Variants in CFAP161 observed in about 807,000 individuals in gnomAD.
The protein encoded by CFAP161 is cilia- and flagella-associated protein 161.
Under a neutral mutation model 29.0 loss-of-function variants are expected in CFAP161, and 25 were observed. The observed-to-expected ratio is 0.86, with a 90% confidence interval of 0.63 to 1.20. The LOEUF is 1.20. Among genes scored for constraint, CFAP161 ranks in the 50% most tolerant of loss-of-function variants. The pLI, the probability that CFAP161 is intolerant of heterozygous loss-of-function variation, is 0.00. For missense variants in CFAP161, 367 were observed against 371.9 expected (o/e 0.99, Z 0.11); for synonymous variants, 116 against 137.4 (o/e 0.84, Z 1.09).
At chr15:81,140,676 A>C (rs1312958345) in intron 4 of CFAP161, among the ~76,000 whole-genome samples, 1 of 152,036 alleles carries the variant, frequency 6.6e-6, no homozygotes, top group Non-Finnish European at 1.5e-5. Flanking sequence ...TTCCTGCCTC[A>C]GCCTCCTGAG....
intron 1 of CFAP161, among the ~76,000 whole-genome samples, chr15:81,121,563 ATT>A (rs2141869205): frequency 6.6e-6 from 1 of 152,114 alleles, no homozygotes; most frequent in South Asian, 2.1e-4. Flanking sequence ...ATATATATAT[ATT>A]AATTAGAATG....
rs1161457197 is a variant in CFAP161, at chr15:81,134,450, C to T, written c.69+52C>T. 1.9e-6 allele frequency: 3 copies of T among 1,540,186 alleles called. No homozygotes were observed. In the East Asian group the frequency reaches 7.2e-5, roughly 37 times the overall value. Reference sequence around the variant, plus strand: ...CCCGCAGCTCAGGAACTCCCAGACCCTGCTCTAAGTTCAGTCTCCTACTTT... The same window carrying T: ...CCCGCAGCTCAGGAACTCCCAGACCTTGCTCTAAGTTCAGTCTCCTACTTT... On this transcript the variant is annotated intron_variant, in intron 1 of 6. Coordinates refer to ENST00000286732, the MANE Select transcript of CFAP161 (RefSeq NM_173528.4).
intron 4 of CFAP161, among the ~76,000 whole-genome samples, chr15:81,141,420 TACTC>T (rs1258744631): frequency 1.3e-5 from 2 of 152,210 alleles, no homozygotes; most frequent in East Asian, 1.9e-4. Flanking sequence ...TGAGATCACT[TACTC>T]TTATTAATTC....
chr15:81,123,965 A>G (rs139636700), intron 1 of CFAP161, among the ~76,000 whole-genome samples: 18 of 152,334 alleles, frequency 1.2e-4, no homozygotes, highest in Non-Finnish European at 2.1e-4. Flanking sequence ...TTCTAGATGT[A>G]GGATCATGTC....
At chr15:81,134,170 A>ACGCCCCATCTCC, upstream of CFAP161, 1 of 744,650 alleles carries the variant, frequency 1.3e-6, no homozygotes, top group Non-Finnish European at 2.1e-6. Flanking sequence ...GCTGACCCAG[A>ACGCCCCATCTCC]CGCCCCATCT....
intron 1 of CFAP161, among the ~76,000 whole-genome samples, chr15:81,116,302 C>A (rs1287054416): frequency 1.3e-5 from 2 of 151,878 alleles, no homozygotes; most frequent in Non-Finnish European, 2.9e-5. Flanking sequence ...TTATTAAGAA[C>A]AAATTTTTTG....
At chr15:81,133,227 A>T (rs201259705), upstream of CFAP161, among the ~76,000 whole-genome samples, 13,405 of 50,186 alleles carry the variant, frequency 0.27, 1,531 homozygotes, top group Middle Eastern at 0.36. Context: ...ATATATATGT[A>T]TTTTTTTTTA....
In CFAP161 at chr15:81,143,699, C is replaced by T. The variant is rs1055860671; in HGVS notation, c.515C>T (p.Ser172Leu). ...AGTGACCACAGGACCCTCCTGAAAT[C>T]GTCTAAGAGGTCTTGGCTCCAGGAA... ...LSSDHRTLLK[S>L]SKRSWLQEVY... The change falls in exon 5 of 7, where the codon TCG becomes TTG. Residue 172 changes from serine to leucine, a missense_variant. Physicochemically the swap from Ser to Leu is moderately radical, Grantham distance 145 (BLOSUM62 -2). Coordinates refer to ENST00000286732, the MANE Select transcript of CFAP161 (RefSeq NM_173528.4). 2 of 1,614,034 alleles carry T rather than the reference C, an allele frequency of 1.2e-6. No homozygotes were observed. The highest frequency in any genetic ancestry group is 1.7e-6 in the Non-Finnish European group (2 of 1,179,960).
chr15:81,147,165 C>A (rs988435939), intron 5 of CFAP161, among the ~76,000 whole-genome samples: 1 of 152,010 alleles, frequency 6.6e-6, no homozygotes, highest in Non-Finnish European at 1.5e-5. Context: ...TCCTCTACCG[C>A]CCTCTCACAT....
intron 1 of CFAP161, among the ~76,000 whole-genome samples, chr15:81,127,066 A>G (rs1215003792): frequency 1.3e-5 from 2 of 152,226 alleles, no homozygotes; most frequent in Admixed American, 6.5e-5. Flanking sequence ...AGAACAGGCC[A>G]TAATATGTAG....
intron 1 of CFAP161, among the ~76,000 whole-genome samples, chr15:81,116,176 C>T (rs2460850): frequency 0.47 from 71,155 of 152,062 alleles, 20,019 homozygotes; most frequent in Non-Finnish European, 0.64. Context: ...AGGTTACCAG[C>T]TATTAACTGT....
exon 2 of CFAP161, chr15:81,127,672 C>G (rs1452883803): frequency 6.6e-6 from 1 of 152,006 alleles, no homozygotes; most frequent in Non-Finnish European, 1.5e-5. Flanking sequence ...TGAGAGAAAA[C>G]TCACCAGGGC....
At chr15:81,129,433 A>T (rs542273474), upstream of CFAP161, among the ~76,000 whole-genome samples, 1 of 152,216 alleles carries the variant, frequency 6.6e-6, no homozygotes, top group Non-Finnish European at 1.5e-5. Flanking sequence ...CACATCTCAC[A>T]TGGTGGCAGA....
chr15:81,146,815 A>G (rs1895013004), intron 5 of CFAP161, among the ~76,000 whole-genome samples: 1 of 128,580 alleles, frequency 7.8e-6, no homozygotes, highest in African/African-American at 2.7e-5. Context: ...TTTTGCTCTT[A>G]AATAGGATAG....
intron 1 of CFAP161, among the ~76,000 whole-genome samples, chr15:81,122,713 A>G (rs1894590585): frequency 6.6e-6 from 1 of 151,908 alleles, no homozygotes; most frequent in Admixed American, 6.6e-5. Context: ...GCTGGTCTCA[A>G]ACTCCTGACC....
chr15:81,122,016 T>C (rs149969439), intron 1 of CFAP161, among the ~76,000 whole-genome samples: 1,599 of 152,326 alleles, frequency 0.01, 25 homozygotes, highest in African/African-American at 0.037. Context: ...GGCCTCCAGC[T>C]CCACCCATGT....
chr15:81,113,265 C>T (rs1894459768), intron 1 of CFAP161, among the ~76,000 whole-genome samples: 1 of 152,112 alleles, frequency 6.6e-6, no homozygotes, highest in Non-Finnish European at 1.5e-5. Context: ...TGCACAGTGT[C>T]CAGGAAATAG....
chr15:81,148,722 C>A lies in CFAP161; in HGVS notation c.*189C>A, dbSNP rs1895054172. 1 of 483,368 alleles carries A rather than the reference C, an allele frequency of 2.1e-6. No homozygotes were observed. The allele number at this position is 483,368 out of a possible 1,614,324, so 29.9% of individuals were successfully genotyped here. On this transcript the variant is annotated 3_prime_UTR_variant, in exon 7 of 7. Coordinates refer to ENST00000286732, the MANE Select transcript of CFAP161 (RefSeq NM_173528.4). ...GTGGGAGTCTAGGGCTGAAGAAAAA[C>A]AGCTCTGGAGAATAATTAGTATTTG...
chr15:81,117,818 C>A, intron 1 of CFAP161: 1 of 329,980 alleles, frequency 3.0e-6, no homozygotes, highest in South Asian at 3.3e-5. Flanking sequence ...TCATCTTCCT[C>A]TTCATCCAAC....
Sources: gnomAD v4.1 joint callset for allele counts (sites outside exome capture counted in the v4.1 genomes callset) on GRCh38, gnomAD v4.1.1 for gene constraint, MANE v1.5 for transcripts, NCBI Gene and HGNC (gene_info 2026-07-23, HGNC 2026-07-21) for gene names.